Variants in SH3RF2 observed in about 807,000 individuals in gnomAD.
SH3RF2 encodes E3 ubiquitin-protein ligase SH3RF2.
In SH3RF2, 43 loss-of-function variants were observed where a neutral mutation model predicts 59.0. That is an observed-to-expected ratio of 0.73 (90% confidence interval 0.57 to 0.94). SH3RF2 has a LOEUF of 0.94. SH3RF2 is among the 40% of genes least tolerant of loss of function. SH3RF2 has a pLI of 0.00. For missense variants in SH3RF2, 930 were observed against 940.1 expected, an observed-to-expected ratio of 0.99 and a Z score of 0.14; for synonymous variants, 391 against 391.5, an observed-to-expected ratio of 1.00 and a Z score of 0.01.
chr5:145,950,863 T>C, intron 2 of SH3RF2, among the ~76,000 whole-genome samples: 1 of 152,194 alleles, frequency 6.6e-6, no homozygotes, highest in African/African-American at 2.4e-5. Flanking sequence ...AAATAGAGCC[T>C]GAAATTCAGG....
chr5:146,020,659 T>C (rs928079508), intron 5 of SH3RF2, among the ~76,000 whole-genome samples: 38 of 152,184 alleles, frequency 2.5e-4, no homozygotes, highest in African/African-American at 9.2e-4. Flanking sequence ...CTTTACACTA[T>C]AAATACCACA....
At chr5:146,043,548 A>G (rs1374985905) in intron 5 of SH3RF2, among the ~76,000 whole-genome samples, 1 of 152,218 alleles carries the variant, frequency 6.6e-6, no homozygotes. Context: ...GTAAACATAT[A>G]CAGCATGTAA....
chr5:146,001,265 T>C (rs1479663059), intron 3 of SH3RF2, among the ~76,000 whole-genome samples: 1 of 152,228 alleles, frequency 6.6e-6, no homozygotes, highest in African/African-American at 2.4e-5. Flanking sequence ...GTTGGAGTTA[T>C]TTTCATTCTT....
intron 2 of SH3RF2, among the ~76,000 whole-genome samples, chr5:145,938,775 T>C (rs1182163506): frequency 1.3e-5 from 2 of 152,206 alleles, no homozygotes; most frequent in East Asian, 3.9e-4. Flanking sequence ...AGTCATAAAG[T>C]GCTATTATGG....
rs571881631 is a variant in SH3RF2, at chr5:146,027,432, G to A, written c.1059+13371G>A. Among the ~76,000 whole-genome samples the A allele has an allele frequency of 9.2e-5, 14 of 152,308 alleles. No homozygotes were observed. The East Asian group carries it at 2.1e-3, about 23-fold the overall frequency. On this transcript the variant is annotated intron_variant, in intron 5 of 9. Transcript: ENST00000359120. ...CCAAAGCCCCTCACAGCCTGTCAGT[G>A]AACCAGTCAACAGAGTTGTCGAATG...
intron 2 of SH3RF2, among the ~76,000 whole-genome samples, chr5:145,983,775 G>A (rs886607135): frequency 6.6e-6 from 1 of 152,142 alleles, no homozygotes; most frequent in Non-Finnish European, 1.5e-5. Context: ...GGGCATGTTG[G>A]AAAGAAAAAG....
At chr5:146,020,368 G>A (rs904034115) in intron 5 of SH3RF2, among the ~76,000 whole-genome samples, 1 of 152,124 alleles carries the variant, frequency 6.6e-6, no homozygotes, top group Admixed American at 6.5e-5. Context: ...CCACCTCTTT[G>A]CTTTTTGTCC....
intron 5 of SH3RF2, among the ~76,000 whole-genome samples, chr5:146,020,563 A>G (rs1485077173): frequency 6.6e-6 from 1 of 152,078 alleles, no homozygotes; most frequent in Non-Finnish European, 1.5e-5. Flanking sequence ...CCGCAGAATT[A>G]TTTCTCTCAT....
At chr5:145,998,400 C>A (rs1289652025) in intron 2 of SH3RF2, among the ~76,000 whole-genome samples, 1 of 151,958 alleles carries the variant, frequency 6.6e-6, no homozygotes, top group Non-Finnish European at 1.5e-5. Context: ...CTAGCTTTCC[C>A]TAATTAATGT....
intron 2 of SH3RF2, among the ~76,000 whole-genome samples, chr5:145,981,061 A>C (rs1759488238): frequency 1.3e-5 from 2 of 152,078 alleles, no homozygotes; most frequent in Non-Finnish European, 2.9e-5. Flanking sequence ...ATGTCATCGC[A>C]TATGCAGTCA....
chr5:146,039,132 T>C (rs904783278), intron 5 of SH3RF2, among the ~76,000 whole-genome samples: 2 of 152,190 alleles, frequency 1.3e-5, no homozygotes, highest in Non-Finnish European at 2.9e-5. Flanking sequence ...TCCTCCCTTG[T>C]CAAAAATCAA....
At chr5:146,018,615 T>G (rs1043432584) in intron 5 of SH3RF2, among the ~76,000 whole-genome samples, 2 of 152,204 alleles carry the variant, frequency 1.3e-5, no homozygotes, top group Non-Finnish European at 2.9e-5. Flanking sequence ...CGCAGTTGTC[T>G]TTTTGTTATA....
intron 2 of SH3RF2, among the ~76,000 whole-genome samples, chr5:145,987,643 G>A (rs1377152637): frequency 6.6e-6 from 1 of 152,060 alleles, no homozygotes; most frequent in African/African-American, 2.4e-5. Flanking sequence ...ATATATTTAT[G>A]TGTGTTTATA....
chr5:145,969,182 C>T (rs1000186280), intron 2 of SH3RF2, among the ~76,000 whole-genome samples: 6 of 152,178 alleles, frequency 3.9e-5, no homozygotes, highest in East Asian at 1.9e-4. Flanking sequence ...AAGTTTACAA[C>T]GTGAGCTGCA....
At chr5:146,016,702 C>T (rs1007059200) in intron 5 of SH3RF2, among the ~76,000 whole-genome samples, 14 of 152,166 alleles carry the variant, frequency 9.2e-5, no homozygotes, top group Admixed American at 7.9e-4. Flanking sequence ...ACCAAGACCA[C>T]ACTAGGCAAC....
At chr5:146,000,357 C>G in intron 3 of SH3RF2, 30 bp downstream of exon 3, 1 of 1,605,682 alleles carries the variant, frequency 6.2e-7, no homozygotes. Flanking sequence ...CCAGAGTCAC[C>G]TGGGACCACG....
chr5:146,013,470 G>T (rs1007847882), intron 4 of SH3RF2, among the ~76,000 whole-genome samples: 1 of 152,182 alleles, frequency 6.6e-6, no homozygotes, highest in Non-Finnish European at 1.5e-5. Context: ...TCTCAGCCAG[G>T]GAAGAGCATC....
intron 2 of SH3RF2, among the ~76,000 whole-genome samples, chr5:145,979,148 T>TA (rs1759413790): frequency 1.3e-5 from 2 of 152,118 alleles, no homozygotes; most frequent in South Asian, 4.1e-4. Flanking sequence ...GAACAATAGT[T>TA]CCCAAAGTGT....
At chr5:145,949,021 G>T (rs367656068) in intron 2 of SH3RF2, among the ~76,000 whole-genome samples, 1 of 152,184 alleles carries the variant, frequency 6.6e-6, no homozygotes, top group Non-Finnish European at 1.5e-5. Flanking sequence ...AGCCAGCCTC[G>T]TGGCTGAGCT....
Sources: gnomAD v4.1 joint callset for allele counts (sites outside exome capture counted in the v4.1 genomes callset) on GRCh38, gnomAD v4.1.1 for gene constraint, MANE v1.5 for transcripts, NCBI Gene and HGNC (gene_info 2026-07-23, HGNC 2026-07-21) for gene names.